Variants in MUSK observed in about 807,000 individuals in gnomAD.
MUSK encodes muscle associated receptor tyrosine kinase.
Under a neutral mutation model 88.7 loss-of-function variants are expected in MUSK, and 55 were observed. The ratio of observed to expected loss-of-function variants is 0.62; its 90% confidence interval spans 0.50 to 0.78. MUSK has a LOEUF of 0.78. MUSK is among the 30% of genes least tolerant of loss of function. The pLI, the probability that MUSK is intolerant of heterozygous loss-of-function variation, is 0.00. For missense variants in MUSK, 1,015 were observed against 1,074.3 expected (o/e 0.94, Z 0.77); for synonymous variants, 387 against 391.9 (o/e 0.99, Z 0.15).
At chr9:110,743,911 A>G (rs1051929466) in intron 6 of MUSK, among the ~76,000 whole-genome samples, 1 of 152,128 alleles carries the variant, frequency 6.6e-6, no homozygotes, top group Non-Finnish European at 1.5e-5. Flanking sequence ...ATGATTCATA[A>G]ACAGACATTA....
rs372246830 is a variant in MUSK, at chr9:110,675,799, G to A, written c.79+6816G>A. On this transcript the variant is annotated intron_variant, in intron 1 of 14. Transcript: ENST00000374448. ...TGGCCAGGAATCTCTTGAACTCGTG[G>A]TCCTCCCCGCCTCGGCCTCCCAAAG... 8.6e-4 allele frequency among the ~76,000 whole-genome samples: 130 copies of A among 150,458 alleles called. 2 individuals carry two copies. The South Asian group carries it at 0.021, about 25-fold the overall frequency.
chr9:110,742,715 G>A (rs2077119096), intron 6 of MUSK, among the ~76,000 whole-genome samples: 1 of 152,178 alleles, frequency 6.6e-6, no homozygotes, highest in African/African-American at 2.4e-5. Flanking sequence ...CTCACAAAAA[G>A]TGAAAGGCAA....
At chr9:110,737,363 TTCA>T (rs954561068) in intron 6 of MUSK, among the ~76,000 whole-genome samples, 2 of 152,008 alleles carry the variant, frequency 1.3e-5, no homozygotes, top group South Asian at 4.1e-4. Flanking sequence ...AATAAAACAC[TTCA>T]TCATCAATTA....
At chr9:110,684,471 G>A (rs1179479513) in intron 2 of MUSK, among the ~76,000 whole-genome samples, 1 of 150,638 alleles carries the variant, frequency 6.6e-6, no homozygotes, top group Non-Finnish European at 1.5e-5. Context: ...GCCTTTCGTG[G>A]TTTCACATAA....
At position 110,697,338 on chromosome 9, in the gene MUSK, T is replaced by G; in HGVS notation, c.500T>G (p.Ile167Ser). The part of the protein sequence containing the change: ...GDSPLRENSR[I>S]AVLESGSLRI... ...TATCTCTGGCAGGAAAATTCCCGAA[T>G]TGCAGTTCTTGAATCTGGGAGCTTG... is the stretch of plus-strand genomic sequence containing the variant. The change falls in exon 5 of 15, where the codon ATT becomes AGT. Residue 167 changes from isoleucine (I) to serine (S), a missense_variant. Physicochemically the swap from Ile to Ser is moderately radical, Grantham distance 142 (BLOSUM62 -2). Transcript: ENST00000374448. 1 of 1,612,718 alleles carries G rather than the reference T, an allele frequency of 6.2e-7. No individual in the cohort carries two copies. Among genetic ancestry groups the G allele is most frequent in the Middle Eastern group, 1.7e-4 (1 of 6,060 alleles).
chr9:110,747,571 T>G, intron 6 of MUSK, 70 bp from the exon 7 acceptor site: 1 of 1,452,198 alleles, frequency 6.9e-7, no homozygotes, highest in South Asian at 1.3e-5. Context: ...TGCTTTTCCC[T>G]TCAAATCTAC....
chr9:110,762,087 A>G, intron 7 of MUSK, 115 bp from the exon 8 acceptor site: 1 of 1,051,306 alleles, frequency 9.5e-7, no homozygotes, highest in African/African-American at 1.6e-5. Context: ...TCAGAAACTT[A>G]GAGATCAGTA....
At chr9:110,776,005 T>C (rs779952106) in intron 10 of MUSK, 42 bp downstream of exon 10, 1 of 1,542,844 alleles carries the variant, frequency 6.5e-7, no homozygotes, top group East Asian at 2.3e-5. Context: ...TTAAGAGAAA[T>C]TTACTATTTT....
At chr9:110,685,583 C>G (rs1254437006) in intron 2 of MUSK, among the ~76,000 whole-genome samples, 2 of 152,134 alleles carry the variant, frequency 1.3e-5, no homozygotes, top group South Asian at 2.1e-4. Context: ...TGCAGGACAC[C>G]ATTCAGCTAA....
At chr9:110,758,961 C>A (rs1027124698) in intron 7 of MUSK, among the ~76,000 whole-genome samples, 6 of 152,146 alleles carry the variant, frequency 3.9e-5, no homozygotes, top group Admixed American at 2.0e-4. Context: ...ACATTCTTCA[C>A]AGAACTAGAA....
intron 7 of MUSK, among the ~76,000 whole-genome samples, chr9:110,756,488 C>T (rs2077326164): frequency 6.6e-6 from 1 of 151,584 alleles, no homozygotes; most frequent in South Asian, 2.1e-4. Flanking sequence ...ATTCCTGGAC[C>T]CTCTCACTCT....
At chr9:110,684,861 G>A (rs1323482942) in intron 2 of MUSK, among the ~76,000 whole-genome samples, 1 of 152,010 alleles carries the variant, frequency 6.6e-6, no homozygotes, top group East Asian at 1.9e-4. Flanking sequence ...AGTTCTAATA[G>A]TTTTCTGTGG....
chr9:110,758,813 T>C (rs111547516), intron 7 of MUSK, among the ~76,000 whole-genome samples: 52 of 152,256 alleles, frequency 3.4e-4, no homozygotes, highest in African/African-American at 1.3e-3. Context: ...CCATTCACGA[T>C]TGCCACAAAA....
chr9:110,728,334 G>T, intron 5 of MUSK: 1 of 232,276 alleles, frequency 4.3e-6, no homozygotes, highest in Non-Finnish European at 8.3e-6. Flanking sequence ...GGAACGCAAT[G>T]TATGAGAATA....
intron 6 of MUSK, among the ~76,000 whole-genome samples, chr9:110,743,511 A>T (rs1270206307): frequency 6.6e-6 from 1 of 152,216 alleles, no homozygotes; most frequent in Non-Finnish European, 1.5e-5. Context: ...GCATGCAACT[A>T]AAAAATATAG....
intron 6 of MUSK, among the ~76,000 whole-genome samples, chr9:110,735,781 A>G: frequency 6.6e-6 from 1 of 152,238 alleles, no homozygotes; most frequent in Non-Finnish European, 1.5e-5. Flanking sequence ...AGAAACTTAC[A>G]ATCATGGCAG....
intron 5 of MUSK, among the ~76,000 whole-genome samples, chr9:110,703,930 A>T (rs1338030324): frequency 1.3e-5 from 2 of 152,230 alleles, no homozygotes; most frequent in African/African-American, 4.8e-5. Context: ...TAAGCATTTC[A>T]CACCCAGTCA....
rs908941734 is a variant in MUSK at position 110,801,079 on chromosome 9, T to C, written c.*91T>C. ...CACCAGAGGCCCAACAAGACCCACA[T>C]AGGAAAGAGTAAGAGTAAACATGAG... On this transcript the variant is annotated 3_prime_UTR_variant, in exon 15 of 15. Coordinates refer to ENST00000374448, the MANE Select transcript of MUSK (RefSeq NM_005592.4). 3.5e-6 allele frequency: 4 copies of C among 1,143,962 alleles called. No individual in the cohort carries two copies. Among genetic ancestry groups the C allele is most frequent in the Admixed American group, 6.0e-5 (2 of 33,574 alleles). The allele number at this position is 1,143,962 out of a possible 1,614,324, so 70.9% of individuals were successfully genotyped here.
intron 5 of MUSK, among the ~76,000 whole-genome samples, chr9:110,723,722 T>C (rs4259484): frequency 0.88 from 134,412 of 152,092 alleles, 59,762 homozygotes; most frequent in African/African-American, 0.94. Flanking sequence ...ATTGTGTGTC[T>C]GGCATTTAAT....
Sources: allele counts gnomAD v4.1 joint callset (sites outside exome capture counted in the v4.1 genomes callset), GRCh38; gene constraint gnomAD v4.1.1; transcripts MANE v1.5; gene names NCBI Gene and HGNC (gene_info 2026-07-23, HGNC 2026-07-21).